The following WRN variants were observed in gnomAD, a reference collection of about 807,000 sequenced individuals.
WRN encodes the protein WRN RecQ like helicase.
WRN carries 149 observed loss-of-function variants against 180.7 expected under a neutral mutation model. The observed-to-expected ratio is 0.82, with a 90% CI of 0.72 to 0.94. The LOEUF (loss-of-function observed/expected upper bound fraction) is 0.94. Ranked by LOEUF, WRN falls within the 40% of genes least tolerant of loss-of-function variation. The pLI is 0.00. For missense variants in WRN, 1,661 were observed against 1,700.1 expected, an observed-to-expected ratio of 0.98 and a Z score of 0.40; for synonymous variants, 548 against 568.9, an observed-to-expected ratio of 0.96 and a Z score of 0.52.
intron 33 of WRN, among the ~76,000 whole-genome samples, chr8:31,163,675 A>T (rs576508886): frequency 2.0e-5 from 3 of 152,256 alleles, no homozygotes; most frequent in South Asian, 2.1e-4. Flanking sequence ...AAAGTAAGAA[A>T]TATTAAAATC....
chr8:31,067,089 A>G lies in WRN; in HGVS notation c.561A>G (p.Lys187=), dbSNP rs775802030. ...LNSLVKHLLG[K]QLLKDKSIRC... ...GTCTGGTTAAACACCTCTTAGGTAA[A>G]CAGCTCCTGAAAGACAAGTCTATCC... The change falls in exon 6 of 35, where the codon AAA becomes AAG. Residue 187 remains lysine, a synonymous_variant. Transcript: ENST00000298139. 1.4e-5 allele frequency: 22 copies of G among 1,613,894 alleles called. No individual in the cohort carries two copies. The South Asian group carries it at 2.3e-4, about 17-fold the overall frequency.
intron 21 of WRN, among the ~76,000 whole-genome samples, chr8:31,123,782 A>G (rs1801814438): frequency 1.3e-5 from 2 of 152,064 alleles, no homozygotes; most frequent in Non-Finnish European, 2.9e-5. Context: ...TATTTGGGAG[A>G]TTGTCATCAT....
intron 24 of WRN, 111 bp downstream of exon 24, chr8:31,132,617 A>G: frequency 1.4e-6 from 2 of 1,441,990 alleles, no homozygotes; most frequent in East Asian, 2.3e-5. Context: ...ATGGGTGACT[A>G]GGAACTCATA....
chr8:31,076,300 C>CT lies in WRN; in HGVS notation c.839+25dup, dbSNP rs370040831. The CT allele has an allele frequency of 0.019, 24,530 of 1,318,584 alleles. 2 individuals are homozygous for CT. Among genetic ancestry groups the CT allele is most frequent in the Non-Finnish European group, 0.022 (20,691 of 945,032 alleles). The allele number at this position is 1,318,584 out of a possible 1,614,324, so 81.7% of individuals were successfully genotyped here. A position where few individuals can be genotyped will look rare whatever the true frequency, so the allele number is the denominator to read the frequency against. On this transcript the variant is annotated intron_variant, in intron 8 of 34. Coordinates refer to ENST00000298139, the MANE Select transcript of WRN (RefSeq NM_000553.6). ...AAAACCCACGGAGGTTAAATATTAC[C>CT]TTTTTTTTTTTTAACTTAAATCAAT...
intron 9 of WRN, among the ~76,000 whole-genome samples, chr8:31,081,548 T>G (rs1813313305): frequency 6.6e-6 from 1 of 152,206 alleles, no homozygotes. Flanking sequence ...TAGTTTGCTG[T>G]TCCTGACTTA....
intron 11 of WRN, among the ~76,000 whole-genome samples, chr8:31,085,479 T>C (rs1224865231): frequency 3.3e-5 from 5 of 151,946 alleles, no homozygotes; most frequent in Non-Finnish European, 7.4e-5. Flanking sequence ...TTTTTTTTTT[T>C]TTTATTTTGA....
intron 33 of WRN, 101 bp from the exon 34 acceptor site, chr8:31,166,914 AACCTTCC>A: frequency 8.6e-7 from 1 of 1,159,414 alleles, no homozygotes; most frequent in Non-Finnish European, 1.2e-6. Flanking sequence ...TTTCTTTGGC[AACCTTCC>A]ACCTTCCTTT....
chr8:31,099,305 A>C (rs193088885), intron 17 of WRN, among the ~76,000 whole-genome samples: 1 of 151,750 alleles, frequency 6.6e-6, no homozygotes, highest in Non-Finnish European at 1.5e-5. Flanking sequence ...TGGGGAGGGT[A>C]AGGCAGGAGA....
intron 27 of WRN, among the ~76,000 whole-genome samples, chr8:31,143,068 C>CTG (rs1301060085): frequency 6.9e-6 from 1 of 144,304 alleles, no homozygotes; most frequent in Admixed American, 7.0e-5. Flanking sequence ...CTCTCTCTCT[C>CTG]TCTCTCACAC....
intron 23 of WRN, among the ~76,000 whole-genome samples, chr8:31,126,788 C>T (rs977162943): frequency 2.2e-4 from 33 of 152,018 alleles, no homozygotes; most frequent in African/African-American, 7.2e-4. Context: ...AGAAAATCAA[C>T]TCAAAAGCTC....
intron 1 of WRN, among the ~76,000 whole-genome samples, chr8:31,040,738 CAG>C (rs1440560379): frequency 6.6e-5 from 10 of 152,058 alleles, no homozygotes; most frequent in Non-Finnish European, 1.2e-4. Context: ...GGAGTGGAAA[CAG>C]AGATGCTATT....
intron 1 of WRN, among the ~76,000 whole-genome samples, chr8:31,050,320 C>G (rs1175398178): frequency 3.9e-5 from 6 of 152,058 alleles, no homozygotes; most frequent in Admixed American, 6.6e-5. Flanking sequence ...TTCAGTTACA[C>G]CTTTATGAGA....
chr8:31,150,200 CG>C lies in WRN; in HGVS notation c.3573-140del, dbSNP rs1163012937. Reference sequence around the variant, plus strand: ...ATAAAACATGATTAGTTGTATTATACGTTGTTTTTGGTTGTTGGAAAAACTA... The same window carrying C: ...ATAAAACATGATTAGTTGTATTATACTTGTTTTTGGTTGTTGGAAAAACTA... On this transcript the variant is annotated intron_variant, in intron 30 of 34. Transcript: ENST00000298139. The C allele has an allele frequency of 3.9e-5, 28 of 718,238 alleles. 1 individual carries two copies. Among genetic ancestry groups the C allele is most frequent in the South Asian group, 1.9e-4 (12 of 64,042 alleles). The allele number at this position is 718,238 out of a possible 1,614,324, so 44.5% of individuals were successfully genotyped here.
At chr8:31,049,535 G>A (rs992740236) in intron 1 of WRN, among the ~76,000 whole-genome samples, 8 of 147,936 alleles carry the variant, frequency 5.4e-5, no homozygotes, top group Admixed American at 2.1e-4. Context: ...AAAGAGATGG[G>A]TTTTGAAATT....
chr8:31,087,704 C>G (rs1224954037), intron 11 of WRN, 72 bp from the exon 12 acceptor site: 3 of 1,492,426 alleles, frequency 2.0e-6, no homozygotes, highest in East Asian at 2.3e-5. Flanking sequence ...TAATAATAGT[C>G]CTTTTGTGTT....
At chr8:31,036,821 T>G (rs771019297) in intron 1 of WRN, among the ~76,000 whole-genome samples, 8 of 152,206 alleles carry the variant, frequency 5.3e-5, no homozygotes, top group Non-Finnish European at 8.8e-5. Flanking sequence ...CTGTCTTCAG[T>G]CTGTTGAATT....
intron 30 of WRN, among the ~76,000 whole-genome samples, chr8:31,148,644 T>C (rs1802962239): frequency 6.6e-6 from 1 of 152,146 alleles, no homozygotes; most frequent in African/African-American, 2.4e-5. Flanking sequence ...TATTACTATT[T>C]CTCGCTTTAT....
chr8:31,075,842 T>C lies in WRN; in HGVS notation c.725-331T>C, dbSNP rs1351793013. On this transcript the variant is annotated intron_variant, in intron 7 of 34. Coordinates refer to ENST00000298139, the MANE Select transcript of WRN (RefSeq NM_000553.6). The stretch of plus-strand genomic sequence containing the variant: ...CAGTATTATTAAGTAGCAGCATACA[T>C]GGTGTTATACTGACTTCTGATTTTG... 2.0e-5 allele frequency among the ~76,000 whole-genome samples: 3 copies of C among 152,182 alleles called. No homozygotes were observed. In the East Asian group the frequency reaches 5.8e-4, roughly 29 times the overall value.
chr8:31,070,987 A>G (rs1414561195), intron 7 of WRN, among the ~76,000 whole-genome samples: 3 of 149,794 alleles, frequency 2.0e-5, no homozygotes, highest in East Asian at 2.0e-4. Flanking sequence ...TGGAGGTTGT[A>G]GTGAGCTGAG....
Sources: allele counts gnomAD v4.1 joint callset (sites outside exome capture counted in the v4.1 genomes callset), GRCh38; gene constraint gnomAD v4.1.1; transcripts MANE v1.5; gene names NCBI Gene and HGNC (gene_info 2026-07-23, HGNC 2026-07-21).